Variants in TMEM43 observed in about 807,000 individuals in gnomAD.
The protein encoded by TMEM43 is arrhythmogenic right ventricular dysplasia 5.
A neutral mutation model predicts 49.6 loss-of-function variants in TMEM43; 45 were observed. That is an observed-to-expected ratio of 0.91 (90% CI 0.71 to 1.16). TMEM43 has a LOEUF of 1.16. Ranked by LOEUF, TMEM43 falls within the 50% of genes most tolerant of loss-of-function variation. The pLI is 0.00. For synonymous variants in TMEM43, 199 were observed against 207.8 expected (o/e 0.96, Z 0.36); for missense variants, 532 against 516.6 (o/e 1.03, Z -0.29).
rs1054904116 is a variant in TMEM43, at chr3:14,133,719, C to T, written c.513-20C>T. On this transcript the variant is annotated intron_variant, in intron 6 of 11. Coordinates refer to ENST00000306077, the MANE Select transcript of TMEM43 (RefSeq NM_024334.3). ...CTCCCACACCGGTGCCCATCTCTGA[C>T]AGCTTCCTCTCTCCCACAGTGCCAT... 1 of 1,613,554 alleles carries T rather than the reference C, an allele frequency of 6.2e-7. No individual in the cohort carries two copies. Among genetic ancestry groups the T allele is most frequent in the Non-Finnish European group, 8.5e-7 (1 of 1,179,454 alleles).
chr3:14,127,340 CA>C (rs1014254823), intron 1 of TMEM43, among the ~76,000 whole-genome samples: 3 of 152,164 alleles, frequency 2.0e-5, no homozygotes, highest in African/African-American at 7.2e-5. Context: ...TCCTTCCCTC[CA>C]AGGCCGTCTT....
At chr3:14,125,797 C>G (rs1010537441) in intron 1 of TMEM43, among the ~76,000 whole-genome samples, 1 of 152,152 alleles carries the variant, frequency 6.6e-6, no homozygotes, top group East Asian at 1.9e-4. Flanking sequence ...CCCCTCCTCC[C>G]CCTAGCAAGG....
At chr3:14,136,090 ATT>A in intron 10 of TMEM43, 182 bp downstream of exon 10, 1 of 702,162 alleles carries the variant, frequency 1.4e-6, no homozygotes, top group East Asian at 2.7e-5. Flanking sequence ...CAGATTCCAG[ATT>A]TTTTTGGATT....
Position 14,141,872 on chromosome 3 carries a change from G to A in TMEM43, c.*77G>A. 6.9e-7 allele frequency: 1 copy of A among 1,448,548 alleles called. No homozygotes were observed. Among genetic ancestry groups the A allele is most frequent in the Non-Finnish European group, 9.4e-7 (1 of 1,067,744 alleles). 89.7% of individuals were successfully genotyped at this position (1,448,548 alleles called of 1,614,324 possible). On this transcript the variant is annotated 3_prime_UTR_variant, in exon 12 of 12. Coordinates refer to ENST00000306077, the MANE Select transcript of TMEM43 (RefSeq NM_024334.3). ...TCTCTCACCTCTGACCCAGCTCCAT[G>A]CCAGAGCAGGAGCCCCGGTCAATTT...
At chr3:14,135,326 C>T in intron 9 of TMEM43, 94 bp downstream of exon 9, 1 of 1,074,140 alleles carries the variant, frequency 9.3e-7, no homozygotes, top group Non-Finnish European at 1.4e-6. Context: ...GCTTGGACCC[C>T]CTTTTCCCTG....
chr3:14,127,949 C>T (rs534229699), intron 1 of TMEM43, among the ~76,000 whole-genome samples: 1 of 152,286 alleles, frequency 6.6e-6, no homozygotes, highest in South Asian at 2.1e-4. Flanking sequence ...GTCAGCTCAC[C>T]CCCAGCCTGG....
chr3:14,133,529 G>A (rs976982988), intron 6 of TMEM43, among the ~76,000 whole-genome samples: 1 of 152,128 alleles, frequency 6.6e-6, no homozygotes, highest in Non-Finnish European at 1.5e-5. Flanking sequence ...AGGAAGCTCC[G>A]GGGAACAGGA....
intron 5 of TMEM43, 47 bp downstream of exon 5, chr3:14,132,642 A>G: frequency 6.2e-7 from 1 of 1,607,836 alleles, no homozygotes; most frequent in Non-Finnish European, 8.5e-7. Flanking sequence ...GTGGGGGCCC[A>G]CAGTGGTGGC....
intron 11 of TMEM43, among the ~76,000 whole-genome samples, chr3:14,140,517 C>T (rs1268060885): frequency 1.3e-5 from 2 of 152,196 alleles, no homozygotes; most frequent in African/African-American, 2.4e-5. Flanking sequence ...GTGTGTAAGA[C>T]TCCACAGCTA....
chr3:14,132,122 G>A (rs1695104428), intron 4 of TMEM43, among the ~76,000 whole-genome samples: 1 of 152,214 alleles, frequency 6.6e-6, no homozygotes, highest in African/African-American at 2.4e-5. Context: ...GGGTCACCTG[G>A]AGCTGGGGGT....
chr3:14,138,920 G>A (rs778587022), intron 10 of TMEM43, among the ~76,000 whole-genome samples: 1 of 152,208 alleles, frequency 6.6e-6, no homozygotes, highest in African/African-American at 2.4e-5. Flanking sequence ...AGGTGAGACC[G>A]TGGGCTGAGG....
In TMEM43 at chr3:14,136,586, A is replaced by G. The variant is rs549901886; in HGVS notation, c.882+678A>G. On this transcript the variant is annotated intron_variant, in intron 10 of 11. Coordinates refer to ENST00000306077, the MANE Select transcript of TMEM43 (RefSeq NM_024334.3). ...GCTGACGAGAAGGGGTTAACCCTAG[A>G]AGAATCAGTGATCAGTCAGTTCCAG... Among the ~76,000 whole-genome samples, 9 of 152,314 alleles carry G rather than the reference A, an allele frequency of 5.9e-5. No homozygotes were observed. In the South Asian group the frequency reaches 1.9e-3, roughly 32 times the overall value.
At chr3:14,132,813 C>T (rs1202570725) in intron 5 of TMEM43, 53 bp from the exon 6 acceptor site, 1 of 1,571,832 alleles carries the variant, frequency 6.4e-7, no homozygotes, top group Non-Finnish European at 8.8e-7. Context: ...TGGTGGGTCT[C>T]AGCCGCGTGC....
intron 1 of TMEM43, chr3:14,129,072 C>A (rs1162494092): frequency 4.6e-6 from 2 of 432,306 alleles, no homozygotes; most frequent in South Asian, 1.7e-5. Flanking sequence ...GTAGAAGAAA[C>A]AAACTAATCT....
At chr3:14,131,491 C>T (rs1417495018) in intron 3 of TMEM43, 89 bp from the exon 4 acceptor site, 1 of 1,072,180 alleles carries the variant, frequency 9.3e-7, no homozygotes, top group Non-Finnish European at 1.4e-6. Flanking sequence ...ATTTCTTCCT[C>T]TTCCAGTCCA....
chr3:14,132,695 A>C, intron 5 of TMEM43, 100 bp downstream of exon 5: 1 of 1,464,494 alleles, frequency 6.8e-7, no homozygotes, highest in Non-Finnish European at 9.5e-7. Flanking sequence ...AGGATTCAGC[A>C]CCAGGCATCA....
chr3:14,139,522 CTG>C lies in TMEM43; in HGVS notation c.1000+226_1000+227del, dbSNP rs149041766. Among the ~76,000 whole-genome samples, 1,292 of 152,330 alleles carry C rather than the reference CTG, an allele frequency of 8.5e-3. 22 individuals carry two copies. The highest frequency in any genetic ancestry group is 0.029 in the African/African-American group (1,214 of 41,580). On this transcript the variant is annotated intron_variant, in intron 11 of 11. Coordinates refer to ENST00000306077, the MANE Select transcript of TMEM43 (RefSeq NM_024334.3). The stretch of plus-strand genomic sequence containing the variant: ...GGGGCCAGGCTGGGTGGGGCCAACT[CTG>C]GGGCACTGGTCTCACTCCACAGCCT...
At chr3:14,130,019 CCCTCCCTCCCTT>C (rs973950549) in intron 2 of TMEM43, among the ~76,000 whole-genome samples, 2 of 145,988 alleles carry the variant, frequency 1.4e-5, no homozygotes, top group Non-Finnish European at 3.0e-5. Flanking sequence ...TCCCCTCCCT[CCCTCCCTCCCTT>C]CCTTTGTTCC....
Position 14,135,837 on chromosome 3 carries a change from C to T in TMEM43, c.811C>T (p.Gln271Ter), listed in dbSNP as rs535423065. The T allele has an allele frequency of 1.9e-6, 3 of 1,613,880 alleles. No homozygotes were observed. Among genetic ancestry groups the T allele is most frequent in the Non-Finnish European group, 2.5e-6 (3 of 1,180,028 alleles). ...VTVIARQRGD[Q>*]LVPFSTKSGD... is the part of the protein sequence containing the mutation. The stretch of plus-strand genomic sequence containing the variant: ...TGTGATTGCCCGGCAGCGGGGTGAC[C>T]AGCTAGTCCCATTCTCCACCAAGTC... The change falls in exon 10 of 12, where the codon CAG becomes TAG. Residue 271 changes from glutamine (Q) to a stop codon, truncating the protein, a stop_gained. Coordinates refer to ENST00000306077, the MANE Select transcript of TMEM43 (RefSeq NM_024334.3). LOFTEE classifies it high-confidence loss of function.
Sources: gnomAD v4.1 joint callset for allele counts (sites outside exome capture counted in the v4.1 genomes callset) on GRCh38, gnomAD v4.1.1 for gene constraint, MANE v1.5 for transcripts, NCBI Gene and HGNC (gene_info 2026-07-23, HGNC 2026-07-21) for gene names.